Variants in ERC2 observed in about 807,000 individuals in gnomAD.
ERC2 encodes ERC protein 2.
ERC2 carries 42 observed loss-of-function variants against 114.8 expected under a neutral mutation model. The observed-to-expected ratio is 0.37, with a 90% confidence interval of 0.29 to 0.47. The LOEUF is 0.47. ERC2 is among the 20% of genes least tolerant of loss of function. The pLI, the probability that ERC2 is intolerant of heterozygous loss-of-function variation, is 0.99. For missense variants in ERC2, 939 were observed against 1,150.7 expected, an observed-to-expected ratio of 0.82 and a Z score of 2.66; for synonymous variants, 454 against 425.5, an observed-to-expected ratio of 1.07 and a Z score of -0.82.
At chr3:55,842,238 T>G (rs976094054) in intron 14 of ERC2, among the ~76,000 whole-genome samples, 1 of 152,176 alleles carries the variant, frequency 6.6e-6, no homozygotes, top group Admixed American at 6.5e-5. Context: ...TAGATGACTC[T>G]GTCTCTCCAA....
intron 7 of ERC2, chr3:56,072,427 A>G: frequency 6.6e-6 from 1 of 152,208 alleles, no homozygotes; most frequent in Middle Eastern, 3.2e-3. Flanking sequence ...CAAAATACAT[A>G]TAAATAACTT....
At chr3:56,344,168 A>T (rs529472987) in intron 2 of ERC2, among the ~76,000 whole-genome samples, 1 of 152,326 alleles carries the variant, frequency 6.6e-6, no homozygotes, top group South Asian at 2.1e-4. Flanking sequence ...CTCCTGGAAA[A>T]AGTGGCAAGA....
At chr3:56,267,706 G>C (rs1474496986) in intron 3 of ERC2, among the ~76,000 whole-genome samples, 1 of 152,092 alleles carries the variant, frequency 6.6e-6, no homozygotes, top group Non-Finnish European at 1.5e-5. Context: ...TTGAACCCAG[G>C]AGGCGTAGGT....
intron 6 of ERC2, among the ~76,000 whole-genome samples, chr3:56,134,457 C>T (rs183799198): frequency 6.6e-6 from 1 of 152,154 alleles, no homozygotes; most frequent in Non-Finnish European, 1.5e-5. Flanking sequence ...GCCCAGAGAG[C>T]AAAGATTATT....
At chr3:55,659,825 T>C (rs2061044105) in intron 17 of ERC2, among the ~76,000 whole-genome samples, 1 of 151,726 alleles carries the variant, frequency 6.6e-6, no homozygotes, top group African/African-American at 2.4e-5. Flanking sequence ...CTCTGCCGCC[T>C]CTGTACCTGG....
intron 7 of ERC2, among the ~76,000 whole-genome samples, chr3:56,021,955 C>T (rs904509200): frequency 2.6e-5 from 4 of 152,174 alleles, no homozygotes; most frequent in African/African-American, 9.7e-5. Context: ...ACCACATTTT[C>T]TTTATCCAGT....
intron 17 of ERC2, among the ~76,000 whole-genome samples, chr3:55,518,896 T>C (rs1265792137): frequency 6.6e-6 from 1 of 152,250 alleles, no homozygotes; most frequent in Non-Finnish European, 1.5e-5. Context: ...CTTTCTTTTC[T>C]GAACTAGTTA....
intron 12 of ERC2, among the ~76,000 whole-genome samples, chr3:55,965,715 C>T (rs930187787): frequency 4.6e-5 from 7 of 152,174 alleles, no homozygotes; most frequent in Admixed American, 3.9e-4. Flanking sequence ...ATTTATGCAT[C>T]CTTACACTTT....
At chr3:56,237,407 G>A (rs1333109284) in intron 3 of ERC2, among the ~76,000 whole-genome samples, 1 of 152,150 alleles carries the variant, frequency 6.6e-6, no homozygotes, top group African/African-American at 2.4e-5. Context: ...GTGCCACCAT[G>A]GATATATCCA....
intron 14 of ERC2, among the ~76,000 whole-genome samples, chr3:55,784,467 C>T (rs2069318550): frequency 6.6e-6 from 1 of 152,138 alleles, no homozygotes; most frequent in Non-Finnish European, 1.5e-5. Flanking sequence ...GGTCATAGGA[C>T]CCAAACCAGT....
At chr3:56,094,861 T>G (rs991422983) in intron 6 of ERC2, among the ~76,000 whole-genome samples, 1 of 152,136 alleles carries the variant, frequency 6.6e-6, no homozygotes, top group African/African-American at 2.4e-5. Context: ...TTACTTTCAT[T>G]TAGAAAAATA....
chr3:55,611,385 A>G (rs1335334646), intron 17 of ERC2, among the ~76,000 whole-genome samples: 2 of 152,222 alleles, frequency 1.3e-5, no homozygotes, highest in African/African-American at 2.4e-5. Context: ...TGGGGTTCCA[A>G]TGAGGCTTTG....
chr3:55,529,806 A>G lies in ERC2; in HGVS notation c.*40-18530T>C, dbSNP rs546640019. Among the ~76,000 whole-genome samples the G allele has an allele frequency of 9.2e-5, 14 of 152,324 alleles. No homozygotes were observed. The South Asian group carries it at 2.9e-3, about 32-fold the overall frequency. On this transcript the variant is annotated intron_variant, in intron 17 of 17. Transcript: ENST00000288221. ...CCCAGGCCACTGGCTGCTATTGACA[A>G]TCAAATGCAGAAGACACAGGAGAAG... is the stretch of plus-strand genomic sequence containing the variant.
chr3:56,435,155 G>A lies in ERC2; in HGVS notation c.-140-8C>T. The A allele has an allele frequency of 1.6e-6, 1 of 611,560 alleles. No individual in the cohort carries two copies. Among genetic ancestry groups the A allele is most frequent in the Non-Finnish European group, 2.8e-6 (1 of 356,436 alleles). The allele number at this position is 611,560 out of a possible 1,614,324, so 37.9% of individuals were successfully genotyped here. ...ATAACTCCACTCAGAGATCTACAAAGTGAAAAAAAGAATAATTAAAAACAA... is the reference window on the plus strand; with the variant it reads ...ATAACTCCACTCAGAGATCTACAAAATGAAAAAAAGAATAATTAAAAACAA... On this transcript the variant is annotated splice_polypyrimidine_tract_variant and splice_region_variant and intron_variant, in intron 1 of 17. Transcript: ENST00000288221.
At chr3:55,916,302 T>C (rs1236953176) in intron 13 of ERC2, among the ~76,000 whole-genome samples, 2 of 152,168 alleles carry the variant, frequency 1.3e-5, no homozygotes, top group Non-Finnish European at 2.9e-5. Context: ...GATTTACTCT[T>C]GGGTTTCCAA....
chr3:55,549,930 AAGAG>A (rs372694701), intron 17 of ERC2, among the ~76,000 whole-genome samples: 12,182 of 93,834 alleles, frequency 0.13, 1,227 homozygotes, highest in African/African-American at 0.36. Flanking sequence ...CGACACACAC[AAGAG>A]AGAGAGAGAG....
At chr3:56,021,787 C>T (rs934419129) in intron 7 of ERC2, among the ~76,000 whole-genome samples, 1 of 152,154 alleles carries the variant, frequency 6.6e-6, no homozygotes. Flanking sequence ...AAGTTCTTAT[C>T]ATTTAGCTCC....
At chr3:56,345,976 A>G (rs896410222) in intron 2 of ERC2, among the ~76,000 whole-genome samples, 2 of 151,572 alleles carry the variant, frequency 1.3e-5, no homozygotes, top group Admixed American at 1.3e-4. Flanking sequence ...CACTGTATTT[A>G]CATTTCAGAG....
At chr3:56,216,565 T>C (rs371844434) in intron 3 of ERC2, among the ~76,000 whole-genome samples, 1 of 152,146 alleles carries the variant, frequency 6.6e-6, no homozygotes, top group Non-Finnish European at 1.5e-5. Flanking sequence ...ACCAGAGGTA[T>C]AAGGAGGAAC....
Sources: gnomAD v4.1 joint callset for allele counts (sites outside exome capture counted in the v4.1 genomes callset) on GRCh38, gnomAD v4.1.1 for gene constraint, MANE v1.5 for transcripts, NCBI Gene and HGNC (gene_info 2026-07-23, HGNC 2026-07-21) for gene names.